SEPTIN9: variants seen among roughly 807,000 people sequenced by gnomAD.
The protein encoded by SEPTIN9 is septin 9.
SEPTIN9 carries 13 observed loss-of-function variants against 56.6 expected under a neutral mutation model. The ratio of observed to expected loss-of-function variants is 0.23; its 90% confidence interval spans 0.15 to 0.37. The LOEUF is 0.37. Ranked by LOEUF, SEPTIN9 falls within the 10% of genes least tolerant of loss-of-function variation. SEPTIN9 has a pLI of 1.00. For synonymous variants in SEPTIN9, 332 were observed against 334.1 expected (o/e 0.99, Z 0.07); for missense variants, 650 against 823.1 (o/e 0.79, Z 2.57).
intron 2 of SEPTIN9, among the ~76,000 whole-genome samples, chr17:77,343,585 A>G (rs1360184107): frequency 6.6e-6 from 1 of 152,182 alleles, no homozygotes; most frequent in Non-Finnish European, 1.5e-5. Context: ...GAAGACCTCA[A>G]ATTTGTAGCC....
intron 2 of SEPTIN9, among the ~76,000 whole-genome samples, chr17:77,345,369 TG>T (rs1197279794): frequency 1.3e-5 from 2 of 152,224 alleles, no homozygotes; most frequent in African/African-American, 4.8e-5. Context: ...TTACTACCAC[TG>T]GGGTTGATGG....
At chr17:77,452,561 C>T (rs766757258) in intron 3 of SEPTIN9, among the ~76,000 whole-genome samples, 3 of 152,122 alleles carry the variant, frequency 2.0e-5, no homozygotes, top group South Asian at 2.1e-4. Flanking sequence ...ATATGCCACC[C>T]GGAAGCAGGT....
chr17:77,454,687 G>T (rs749568266), intron 3 of SEPTIN9, among the ~76,000 whole-genome samples: 1 of 152,172 alleles, frequency 6.6e-6, no homozygotes, highest in South Asian at 2.1e-4. Flanking sequence ...GTTCAAACTC[G>T]CCGCCGCTCA....
Position 77,493,291 on chromosome 17 carries a change from C to T in SEPTIN9, c.1573+215C>T, listed in dbSNP as rs975404423. The T allele has an allele frequency of 6.5e-5, 37 of 568,638 alleles. No individual in the cohort carries two copies. In the South Asian group the frequency reaches 6.7e-4, roughly 10 times the overall value. 35.2% of individuals were successfully genotyped at this position (568,638 alleles called of 1,614,324 possible). On this transcript the variant is annotated intron_variant, in intron 10 of 11. Transcript: ENST00000427177. ...GATGCCTCCACCCCAGACCTCCCCC[C>T]GGGCAGGGAAAGATTCAGGGAGACA...
chr17:77,491,342 C>T (rs1048337372), intron 8 of SEPTIN9, among the ~76,000 whole-genome samples: 5 of 151,994 alleles, frequency 3.3e-5, no homozygotes, highest in African/African-American at 7.2e-5. Flanking sequence ...GAATTACAGA[C>T]GCACACCACC....
Position 77,318,306 on chromosome 17 carries a change from G to A in SEPTIN9, c.76+11109G>A, listed in dbSNP as rs147138716. On this transcript the variant is annotated intron_variant, in intron 2 of 11. Transcript: ENST00000427177. This position sits in a 1 kb window ranked among gnomAD's most constrained non-coding sequence, Gnocchi z 4.9. ...TCTCTCCGGGCCCCATCTCCACTTG[G>A]CCATCCCTGTCTGTGTCAAATCTCC... is the stretch of plus-strand genomic sequence containing the variant. 3.6e-4 allele frequency among the ~76,000 whole-genome samples: 54 copies of A among 151,772 alleles called. No individual in the cohort carries two copies. The highest frequency in any genetic ancestry group is 6.3e-4 in the South Asian group (3 of 4,778).
chr17:77,389,541 C>T lies in SEPTIN9; in HGVS notation c.77-12518C>T, dbSNP rs1265061774. Among the ~76,000 whole-genome samples the T allele has an allele frequency of 1.3e-5, 2 of 152,184 alleles. No homozygotes were observed. The highest frequency in any genetic ancestry group is 2.9e-5 in the Non-Finnish European group (2 of 68,040). ...CGAAGTCAATCACCTCCCAGGGCCTCGCTCCTGCCTTCAGCGACAGCCATT... is the reference window on the plus strand; with the variant it reads ...CGAAGTCAATCACCTCCCAGGGCCTTGCTCCTGCCTTCAGCGACAGCCATT... On this transcript the variant is annotated intron_variant, in intron 2 of 11. Transcript: ENST00000427177. This position sits in a 1 kb window ranked among gnomAD's most constrained non-coding sequence, Gnocchi z 4.3.
intron 1 of SEPTIN9, among the ~76,000 whole-genome samples, chr17:77,302,187 G>C (rs919870081): frequency 6.6e-6 from 1 of 152,230 alleles, no homozygotes; most frequent in Non-Finnish European, 1.5e-5. Context: ...AGAAAAAATA[G>C]CTGGGCGTGG....
chr17:77,466,191 G>A (rs2038717711), intron 3 of SEPTIN9, among the ~76,000 whole-genome samples: 3 of 152,070 alleles, frequency 2.0e-5, no homozygotes, highest in South Asian at 2.1e-4. Context: ...GCCCTGGCCC[G>A]CATCTGGGCA....
Position 77,475,428 on chromosome 17 carries a change from A to T in SEPTIN9, c.722-6716A>T. 6.7e-7 allele frequency: 1 copy of T among 1,502,014 alleles called. No homozygotes were observed. Among genetic ancestry groups the T allele is most frequent in the East Asian group, 2.3e-5 (1 of 42,730 alleles). 93.0% of individuals were successfully genotyped at this position (1,502,014 alleles called of 1,614,324 possible). A position where few individuals can be genotyped will look rare whatever the true frequency, so the allele number is the denominator to read the frequency against. On this transcript the variant is annotated intron_variant, in intron 3 of 11. Coordinates refer to ENST00000427177, the MANE Select transcript of SEPTIN9 (RefSeq NM_001113491.2). The surrounding 1 kb of genome is among the most constrained non-coding windows in gnomAD (Gnocchi z 4.6). ...CCTGGCCGGACACTGTCCTCCTAGC[A>T]TTGCCTGCATCAGGGACTCACTCAG...
At chr17:77,380,711 C>T (rs1055438809) in intron 2 of SEPTIN9, among the ~76,000 whole-genome samples, 5 of 152,178 alleles carry the variant, frequency 3.3e-5, no homozygotes. Context: ...TGGTCACAGC[C>T]TCGGAGGGGT....
intron 1 of SEPTIN9, among the ~76,000 whole-genome samples, chr17:77,302,677 C>CTAAA (rs975290472): frequency 6.6e-6 from 1 of 152,094 alleles, no homozygotes; most frequent in Non-Finnish European, 1.5e-5. Context: ...GACTCCATCT[C>CTAAA]TAAATAAATA....
intron 3 of SEPTIN9, among the ~76,000 whole-genome samples, chr17:77,412,461 G>T (rs1430144409): frequency 2.0e-5 from 3 of 152,150 alleles, no homozygotes; most frequent in African/African-American, 4.8e-5. Flanking sequence ...TGTAAGCCAG[G>T]CGTGATGGCT....
intron 3 of SEPTIN9, among the ~76,000 whole-genome samples, chr17:77,463,067 G>GC (rs1290906895): frequency 6.6e-6 from 1 of 151,946 alleles, no homozygotes; most frequent in African/African-American, 2.4e-5. Flanking sequence ...GTGTACTGGG[G>GC]CCCCTCTCAG....
At chr17:77,440,316 G>A (rs1009558744) in intron 3 of SEPTIN9, among the ~76,000 whole-genome samples, 14 of 151,930 alleles carry the variant, frequency 9.2e-5, no homozygotes, top group Non-Finnish European at 1.6e-4. Flanking sequence ...CACCACGCCC[G>A]GCGAATTTTT....
chr17:77,406,127 C>G (rs2036059685), intron 3 of SEPTIN9, among the ~76,000 whole-genome samples: 1 of 152,200 alleles, frequency 6.6e-6, no homozygotes, highest in South Asian at 2.1e-4. Flanking sequence ...ACTGACTTCC[C>G]CAAAGCACAG....
At chr17:77,447,034 C>T (rs575895310) in intron 3 of SEPTIN9, 3 of 167,256 alleles carry the variant, frequency 1.8e-5, no homozygotes, top group South Asian at 4.1e-4. Context: ...AGGGAAACCC[C>T]GTATCCATGA....
At chr17:77,352,396 G>A (rs2034094228) in intron 2 of SEPTIN9, among the ~76,000 whole-genome samples, 1 of 146,544 alleles carries the variant, frequency 6.8e-6, no homozygotes, top group Non-Finnish European at 1.5e-5. Context: ...GACAGAGCAA[G>A]ACTCCGTCTC....
Position 77,433,644 on chromosome 17 carries a change from C to T in SEPTIN9, c.721+30941C>T, listed in dbSNP as rs1204939088. Among the ~76,000 whole-genome samples the T allele has an allele frequency of 1.3e-5, 2 of 152,168 alleles. No homozygotes were observed. Among genetic ancestry groups the T allele is most frequent in the African/African-American group, 4.8e-5 (2 of 41,448 alleles). Reference sequence around the variant, plus strand: ...GGGTGGGGCTGGAGCGGGCGTCTGACCTGTGGCTGGATCTAGCTGCCCGTG... The same window carrying T: ...GGGTGGGGCTGGAGCGGGCGTCTGATCTGTGGCTGGATCTAGCTGCCCGTG... On this transcript the variant is annotated intron_variant, in intron 3 of 11. Coordinates refer to ENST00000427177, the MANE Select transcript of SEPTIN9 (RefSeq NM_001113491.2). The surrounding 1 kb of genome is among the most constrained non-coding windows in gnomAD (Gnocchi z 6.4).
Sources: gnomAD v4.1 joint callset for allele counts (sites outside exome capture counted in the v4.1 genomes callset) on GRCh38, gnomAD v4.1.1 for gene constraint, Gnocchi (gnomAD v3.1) non-coding constraint, MANE v1.5 for transcripts, NCBI Gene and HGNC (gene_info 2026-07-23, HGNC 2026-07-21) for gene names.